The following AKAIN1 variants were observed in gnomAD, a reference collection of about 807,000 sequenced individuals.
AKAIN1 encodes the protein A-kinase anchor inhibitor 1, also known as A-kinase anchor protein inhibitor 1.
In AKAIN1, 3 loss-of-function variants were observed where a neutral mutation model predicts 3.7. That is an observed-to-expected ratio of 0.82 (90% CI 0.37 to 2.12). The LOEUF is 2.12. Ranked by LOEUF, AKAIN1 falls within the 30% of genes most tolerant of loss-of-function variation. The pLI, the probability that AKAIN1 is intolerant of heterozygous loss-of-function variation, is 0.06. For missense variants in AKAIN1, 82 were observed against 82.7 expected, an observed-to-expected ratio of 0.99 and a Z score of 0.03; for synonymous variants, 31 against 30.8, an observed-to-expected ratio of 1.01 and a Z score of -0.02.
At chr18:5,181,031 T>C (rs2071254966) in intron 1 of AKAIN1, among the ~76,000 whole-genome samples, 1 of 151,878 alleles carries the variant, frequency 6.6e-6, no homozygotes, top group African/African-American at 2.4e-5. Context: ...CTCATGCCTA[T>C]AATAGCAACA....
intron 1 of AKAIN1, among the ~76,000 whole-genome samples, chr18:5,193,571 G>A (rs969882617): frequency 1.3e-5 from 2 of 152,134 alleles, no homozygotes; most frequent in Non-Finnish European, 2.9e-5. Flanking sequence ...GTGAAACCAT[G>A]GTACTGAAAA....
intron 1 of AKAIN1, among the ~76,000 whole-genome samples, chr18:5,153,285 G>A (rs1320462075): frequency 6.6e-6 from 1 of 151,224 alleles, no homozygotes; most frequent in Non-Finnish European, 1.5e-5. Flanking sequence ...GAATCAAGAT[G>A]CTTATTGAGT....
chr18:5,194,977 A>C (rs2071339688), intron 1 of AKAIN1, among the ~76,000 whole-genome samples: 1 of 152,202 alleles, frequency 6.6e-6, no homozygotes, highest in Non-Finnish European at 1.5e-5. Context: ...GGAGTTCAAA[A>C]GCAATTCATT....
intron 1 of AKAIN1, among the ~76,000 whole-genome samples, chr18:5,153,132 A>G (rs2071088607): frequency 6.6e-6 from 1 of 152,204 alleles, no homozygotes; most frequent in African/African-American, 2.4e-5. Context: ...TAACAGGGTC[A>G]TGGAAAGCTT....
intron 1 of AKAIN1, among the ~76,000 whole-genome samples, chr18:5,181,719 A>C (rs928520555): frequency 6.6e-6 from 1 of 152,060 alleles, no homozygotes; most frequent in African/African-American, 2.4e-5. Context: ...ACCCTCTCCT[A>C]ATCCCTAGCT....
chr18:5,192,988 C>T (rs2143040983), intron 1 of AKAIN1, among the ~76,000 whole-genome samples: 2 of 152,212 alleles, frequency 1.3e-5, no homozygotes, highest in Admixed American at 1.3e-4. Context: ...ACTATGCTAA[C>T]AGAAAAGAAT....
At chr18:5,153,417 G>A (rs1188669513) in intron 1 of AKAIN1, among the ~76,000 whole-genome samples, 1 of 150,002 alleles carries the variant, frequency 6.7e-6, no homozygotes, top group African/African-American at 2.5e-5. Context: ...AATTAAGAAA[G>A]TGTGATAATA....
chr18:5,174,794 G>T (rs1231121896), intron 1 of AKAIN1, among the ~76,000 whole-genome samples: 1 of 152,080 alleles, frequency 6.6e-6, no homozygotes, highest in African/African-American at 2.4e-5. Context: ...GACATTTGTA[G>T]AACAGAGCAG....
chr18:5,181,295 A>G (rs935954882), intron 1 of AKAIN1, among the ~76,000 whole-genome samples: 4 of 152,096 alleles, frequency 2.6e-5, no homozygotes, highest in African/African-American at 9.7e-5. Flanking sequence ...TCATCTCAAA[A>G]AGAAAATAAA....
intron 1 of AKAIN1, among the ~76,000 whole-genome samples, chr18:5,151,193 C>G (rs960355966): frequency 6.6e-6 from 1 of 152,128 alleles, no homozygotes; most frequent in African/African-American, 2.4e-5. Flanking sequence ...ATTTTATCTC[C>G]CCTTCTGATG....
At chr18:5,169,201 T>C (rs2071184036) in intron 1 of AKAIN1, among the ~76,000 whole-genome samples, 1 of 152,088 alleles carries the variant, frequency 6.6e-6, no homozygotes, top group Admixed American at 6.6e-5. Context: ...GTCTTTGCTC[T>C]TACAGCCTTC....
intron 1 of AKAIN1, among the ~76,000 whole-genome samples, chr18:5,179,785 C>T (rs1361862026): frequency 1.3e-5 from 2 of 152,124 alleles, no homozygotes; most frequent in African/African-American, 4.8e-5. Flanking sequence ...TAGAAAGTTT[C>T]TTTTCAGCTC....
chr18:5,176,207 G>A (rs774823223), intron 1 of AKAIN1, among the ~76,000 whole-genome samples: 3 of 152,116 alleles, frequency 2.0e-5, no homozygotes, highest in Non-Finnish European at 2.9e-5. Context: ...AGGAGGCCGA[G>A]GCAAGTGGAT....
At chr18:5,164,827 T>C (rs1047310821) in intron 1 of AKAIN1, among the ~76,000 whole-genome samples, 11 of 152,014 alleles carry the variant, frequency 7.2e-5, no homozygotes, top group Non-Finnish European at 1.3e-4. Flanking sequence ...CAAAAATAAA[T>C]TGGTGCAGAC....
At chr18:5,197,690 C>T (rs911333384), upstream of AKAIN1, among the ~76,000 whole-genome samples, 14 of 151,958 alleles carry the variant, frequency 9.2e-5, no homozygotes, top group African/African-American at 3.4e-4. This position sits in a 1 kb window ranked among gnomAD's most constrained non-coding sequence, Gnocchi z 6.9. Context: ...GACACAGTGA[C>T]TATGGAGCGC....
At chr18:5,154,162 C>T (rs931632640) in intron 1 of AKAIN1, among the ~76,000 whole-genome samples, 9 of 151,920 alleles carry the variant, frequency 5.9e-5, no homozygotes, top group African/African-American at 1.9e-4. Context: ...ATTTCTTAAA[C>T]GGGACACAAA....
At chr18:5,152,397 C>T (rs2071085061) in intron 1 of AKAIN1, among the ~76,000 whole-genome samples, 1 of 152,188 alleles carries the variant, frequency 6.6e-6, no homozygotes, top group South Asian at 2.1e-4. Flanking sequence ...TGACTTCACC[C>T]TGCACTCTTT....
intron 1 of AKAIN1, among the ~76,000 whole-genome samples, chr18:5,155,227 C>A (rs1020538669): frequency 2.0e-5 from 3 of 152,102 alleles, no homozygotes; most frequent in African/African-American, 7.2e-5. Flanking sequence ...TGGAGTGGCT[C>A]CCGTGAGTCT....
At chr18:5,195,449 T>C (rs2071342323) in intron 1 of AKAIN1, among the ~76,000 whole-genome samples, 1 of 152,068 alleles carries the variant, frequency 6.6e-6, no homozygotes, top group Non-Finnish European at 1.5e-5. Flanking sequence ...ATCCCTCCCC[T>C]CCTTGGAATG....
Sources: allele counts gnomAD v4.1 joint callset (sites outside exome capture counted in the v4.1 genomes callset), GRCh38; gene constraint gnomAD v4.1.1; non-coding constraint Gnocchi (gnomAD v3.1); transcripts MANE v1.5; gene names NCBI Gene and HGNC (gene_info 2026-07-23, HGNC 2026-07-21).